Variants in RTN4R observed in about 807,000 individuals in gnomAD.
RTN4R encodes the protein reticulon-4 receptor.
RTN4R carries 4 observed loss-of-function variants against 27.7 expected under a neutral mutation model. The observed-to-expected ratio is 0.14, with a 90% CI of 0.07 to 0.33. The LOEUF (loss-of-function observed/expected upper bound fraction) is 0.33. RTN4R is among the 10% of genes least tolerant of loss of function. The pLI, the probability that RTN4R is intolerant of heterozygous loss-of-function variation, is 1.00. For missense variants in RTN4R, 554 were observed against 671.5 expected, an observed-to-expected ratio of 0.83 and a Z score of 1.93; for synonymous variants, 290 against 305.6, an observed-to-expected ratio of 0.95 and a Z score of 0.53.
At chr22:20,245,967 A>G (rs1177379841) in intron 1 of RTN4R, among the ~76,000 whole-genome samples, 3 of 152,188 alleles carry the variant, frequency 2.0e-5, no homozygotes, top group Non-Finnish European at 4.4e-5. Context: ...TGAGCCTGCG[A>G]GGGCCCCAGA....
At chr22:20,266,093 C>T (rs1212596977) in intron 1 of RTN4R, among the ~76,000 whole-genome samples, 2 of 152,242 alleles carry the variant, frequency 1.3e-5, no homozygotes, top group Admixed American at 6.5e-5. Flanking sequence ...CATGGGAGCT[C>T]ACTTCCTCCT....
chr22:20,255,766 C>T lies in RTN4R; in HGVS notation c.22+12305G>A, dbSNP rs1179956221. On this transcript the variant is annotated intron_variant, in intron 1 of 1. Transcript: ENST00000043402. This position sits in a 1 kb window ranked among gnomAD's most constrained non-coding sequence, Gnocchi z 4.8. ...CTCCAGGCTGGGGCCCCTCAGGAGC[C>T]GGGGGTAGGGGTGTGCGGTCAACAC... 6.6e-6 allele frequency among the ~76,000 whole-genome samples: 1 copy of T among 152,082 alleles called. No individual in the cohort carries two copies. The highest frequency in any genetic ancestry group is 1.5e-5 in the Non-Finnish European group (1 of 68,002).
intron 1 of RTN4R, among the ~76,000 whole-genome samples, chr22:20,266,412 G>A (rs1312746028): frequency 2.6e-5 from 4 of 152,230 alleles, no homozygotes; most frequent in South Asian, 2.1e-4. Flanking sequence ...ACACAACACC[G>A]GAGGTAGGGG....
chr22:20,241,511 C>T lies in RTN4R; in HGVS notation c.*200G>A, dbSNP rs1166502718. ...ATACCGCGATCTGGGTGGGAGGCGGCGTTCTGGAACAAACGCTGCCGCCGA... is the reference window on the plus strand; with the variant it reads ...ATACCGCGATCTGGGTGGGAGGCGGTGTTCTGGAACAAACGCTGCCGCCGA... On this transcript the variant is annotated 3_prime_UTR_variant, in exon 2 of 2. Transcript: ENST00000043402. The T allele has an allele frequency of 1.5e-5, 9 of 605,090 alleles. No homozygotes were observed. Among genetic ancestry groups the T allele is most frequent in the Admixed American group, 2.9e-5 (1 of 33,992 alleles). 37.5% of individuals were successfully genotyped at this position (605,090 alleles called of 1,614,324 possible).
At chr22:20,259,243 G>A (rs900774067) in intron 1 of RTN4R, among the ~76,000 whole-genome samples, 5 of 152,332 alleles carry the variant, frequency 3.3e-5, no homozygotes, top group Middle Eastern at 3.4e-3. Context: ...CATTAGGGCC[G>A]CCATCTGTCT....
At chr22:20,245,235 C>T (rs914655838) in intron 1 of RTN4R, among the ~76,000 whole-genome samples, 3 of 152,170 alleles carry the variant, frequency 2.0e-5, no homozygotes, top group African/African-American at 2.4e-5. Flanking sequence ...CGCAAAGACA[C>T]GGCTCGGTTC....
rs184621642 is a variant in RTN4R, at chr22:20,244,380, C to T, written c.23-1270G>A. On this transcript the variant is annotated intron_variant, in intron 1 of 1. Transcript: ENST00000043402. ...TCTCTACTTGGGCAGACAGTGCAGT[C>T]GCCCTAAACGCAGAGCCCAGCAAGC... Among the ~76,000 whole-genome samples, 215 of 152,318 alleles carry T rather than the reference C, an allele frequency of 1.4e-3. 4 individuals carry two copies. Among genetic ancestry groups the T allele is most frequent in the African/African-American group, 5.0e-3 (209 of 41,566 alleles).
chr22:20,243,454 G>A (rs2051121736), intron 1 of RTN4R: 1 of 568,126 alleles, frequency 1.8e-6, no homozygotes, highest in Non-Finnish European at 3.4e-6. Flanking sequence ...ACCTCCTCAG[G>A]ACTCCAGTGA....
chr22:20,262,360 C>G (rs2051252755), intron 1 of RTN4R, among the ~76,000 whole-genome samples: 1 of 152,176 alleles, frequency 6.6e-6, no homozygotes, highest in South Asian at 2.1e-4. Context: ...AGTCACCATT[C>G]CCTCACTTGC....
chr22:20,242,154 C>G lies in RTN4R; in HGVS notation c.979G>C (p.Glu327Gln). The change falls in exon 2 of 2, where the codon GAG becomes CAG. Residue 327 changes from glutamate (E) to glutamine (Q), a missense_variant. Physicochemically the swap from Glu to Gln is conservative, Grantham distance 29. This residue lies in a region of RTN4R where 413 missense variants were observed against 542.3 expected (regional missense o/e 0.76). Coordinates refer to ENST00000043402, the MANE Select transcript of RTN4R (RefSeq NM_023004.6). The part of the protein sequence containing the change: ...HPIWTGRATD[E>Q]EPLGLPKCCQ... ...CACTTGGGAAGCCCCAGCGGCTCCT[C>G]ATCGGTGGCCCTGCCGGTCCAGATG... 1 of 1,612,014 alleles carries G rather than the reference C, an allele frequency of 6.2e-7. No individual in the cohort carries two copies. The highest frequency in any genetic ancestry group is 8.5e-7 in the Non-Finnish European group (1 of 1,179,672).
At chr22:20,258,672 T>C (rs987823795) in intron 1 of RTN4R, among the ~76,000 whole-genome samples, 1 of 152,126 alleles carries the variant, frequency 6.6e-6, no homozygotes, top group African/African-American at 2.4e-5. Flanking sequence ...AGCCTGCTAC[T>C]CCCCTGGCTC....
intron 1 of RTN4R, among the ~76,000 whole-genome samples, chr22:20,246,449 G>A (rs976532098): frequency 5.3e-5 from 8 of 151,576 alleles, no homozygotes; most frequent in Admixed American, 3.3e-4. Flanking sequence ...GTGGCGGGGG[G>A]AGGAGGAGGT....
chr22:20,255,539 C>T lies in RTN4R; in HGVS notation c.23-12429G>A, dbSNP rs1248892221. Among the ~76,000 whole-genome samples the T allele has an allele frequency of 1.3e-5, 2 of 152,222 alleles. No individual in the cohort carries two copies. Among genetic ancestry groups the T allele is most frequent in the East Asian group, 1.9e-4 (1 of 5,200 alleles). On this transcript the variant is annotated intron_variant, in intron 1 of 1. Transcript: ENST00000043402. This position sits in a 1 kb window ranked among gnomAD's most constrained non-coding sequence, Gnocchi z 4.8. ...CCAGAGACTCTGCAATCCAGACACCCGAAGGGGCAGCTTCTGGCCTAAAAG... is the reference window on the plus strand; with the variant it reads ...CCAGAGACTCTGCAATCCAGACACCTGAAGGGGCAGCTTCTGGCCTAAAAG...
At position 20,242,863 on chromosome 22, in the gene RTN4R, C is replaced by G. The variant is rs199740833; in HGVS notation, c.270G>C (p.Ser90=). The G allele has an allele frequency of 6.2e-7, 1 of 1,613,052 alleles. No individual in the cohort carries two copies. Among genetic ancestry groups the G allele is most frequent in the South Asian group, 1.1e-5 (1 of 91,080 alleles). The change falls in exon 2 of 2, where the codon TCG becomes TCC. Residue 90 remains serine, a synonymous_variant. Transcript: ENST00000043402. The part of the protein sequence containing the change: ...CRNLTILWLH[S]NVLARIDAAA... ...CCGCATCAATTCGGGCCAGCACATT[C>G]GAGTGCAGCCACAGGATGGTGAGGT...
chr22:20,246,096 G>A (rs910986103), intron 1 of RTN4R, among the ~76,000 whole-genome samples: 4 of 152,224 alleles, frequency 2.6e-5, no homozygotes, highest in Admixed American at 6.5e-5. Flanking sequence ...CTCCCCGGAG[G>A]ATGGCCCTGC....
intron 1 of RTN4R, among the ~76,000 whole-genome samples, chr22:20,266,371 T>C (rs986037757): frequency 1.3e-5 from 2 of 152,224 alleles, no homozygotes; most frequent in Non-Finnish European, 2.9e-5. Context: ...TTGCCCATCA[T>C]GCAGCATGGC....
rs1212380521 is a variant in RTN4R at position 20,268,310 on chromosome 22, GC to G, written c.-219del. The G allele has an allele frequency of 9.1e-5, 13 of 142,936 alleles. No homozygotes were observed. Among genetic ancestry groups the G allele is most frequent in the South Asian group, 4.3e-4 (2 of 4,674 alleles). 8.9% of individuals were successfully genotyped at this position (142,936 alleles called of 1,614,324 possible). On this transcript the variant is annotated 5_prime_UTR_variant, in exon 1 of 2. Coordinates refer to ENST00000043402, the MANE Select transcript of RTN4R (RefSeq NM_023004.6). ...GGCGCACAGGGCGAGGGCGGCGGCG[GC>G]GCGGGGGTTGGGGCGTGGGCGGCGC...
At chr22:20,258,726 G>A (rs778470242) in intron 1 of RTN4R, among the ~76,000 whole-genome samples, 2 of 152,194 alleles carry the variant, frequency 1.3e-5, no homozygotes, top group Non-Finnish European at 2.9e-5. Context: ...AAGCAGTGAT[G>A]GAGACCGTCC....
Position 20,243,209 on chromosome 22 carries a change from G to A in RTN4R, c.23-99C>T, listed in dbSNP as rs541474856. The A allele has an allele frequency of 2.4e-5, 29 of 1,232,192 alleles. No individual in the cohort carries two copies. The African/African-American group carries it at 3.4e-4, about 15-fold the overall frequency. 76.3% of individuals were successfully genotyped at this position (1,232,192 alleles called of 1,614,324 possible). A position where few individuals can be genotyped will look rare whatever the true frequency, so the allele number is the denominator to read the frequency against. Reference sequence around the variant, plus strand: ...GGTGGGCCCCGGAGATTGGGTCTCAGGAGGACCTGGGGCTGGGTCCAAGAT... The same window carrying A: ...GGTGGGCCCCGGAGATTGGGTCTCAAGAGGACCTGGGGCTGGGTCCAAGAT... On this transcript the variant is annotated intron_variant, in intron 1 of 1. Coordinates refer to ENST00000043402, the MANE Select transcript of RTN4R (RefSeq NM_023004.6).
Sources: gnomAD v4.1 joint callset for allele counts (sites outside exome capture counted in the v4.1 genomes callset) on GRCh38, gnomAD v4.1.1 for gene constraint, gnomAD v4.1.1 regional missense constraint, Gnocchi (gnomAD v3.1) non-coding constraint, MANE v1.5 for transcripts, NCBI Gene and HGNC (gene_info 2026-07-23, HGNC 2026-07-21) for gene names.